The following TTPAL variants were observed in gnomAD, a reference collection of about 807,000 sequenced individuals.
TTPAL encodes alpha tocopherol transfer protein like.
In TTPAL, 21 loss-of-function variants were observed where a neutral mutation model predicts 28.7. The ratio of observed to expected loss-of-function variants is 0.73; its 90% CI spans 0.52 to 1.06. The LOEUF (loss-of-function observed/expected upper bound fraction) is 1.06, where lower values mean the gene tolerates loss of function less well. Ranked by LOEUF, TTPAL falls within the 50% of genes least tolerant of loss-of-function variation. The pLI, the probability that TTPAL is intolerant of heterozygous loss-of-function variation, is 0.00. For synonymous variants in TTPAL, 169 were observed against 171.9 expected, an observed-to-expected ratio of 0.98 and a Z score of 0.13; for missense variants, 345 against 425.5, an observed-to-expected ratio of 0.81 and a Z score of 1.67.
rs1252185262 is a variant in TTPAL at position 44,490,235 on chromosome 20, C to G, written c.*694C>G. 1 of 152,412 alleles carries G rather than the reference C, an allele frequency of 6.6e-6. No individual in the cohort carries two copies. The highest frequency in any genetic ancestry group is 1.5e-5 in the Non-Finnish European group (1 of 68,120). The allele number at this position is 152,412 out of a possible 1,614,324, so 9.4% of individuals were successfully genotyped here. A position where few individuals can be genotyped will look rare whatever the true frequency, so the allele number is the denominator to read the frequency against. On this transcript the variant is annotated 3_prime_UTR_variant, in exon 5 of 5. Coordinates refer to ENST00000262605, the MANE Select transcript of TTPAL (RefSeq NM_001039199.3). ...CTTAAGTTTTCCCAAATCCATAAAG[C>G]CTTAGCCCTGGTTCTCAATAGAATC...
chr20:44,480,314 T>A lies in TTPAL; in HGVS notation c.315T>A (p.Cys105Ter). The change falls in exon 2 of 5, where the codon TGT becomes TGA. Residue 105 changes from cysteine to a stop codon, truncating the protein, a stop_gained. Transcript: ENST00000262605. LOFTEE classifies it high-confidence loss of function. This position sits in a 1 kb window ranked among gnomAD's most constrained non-coding sequence, Gnocchi z 4.1. The stretch of plus-strand genomic sequence containing the variant: ...AGCTCCTCGTCAACTACCACAGCTG[T>A]AGAAGAAGCTGGCCCGAAGTCTTCA... ...ALQLLVNYHSCRRSWPEVFNN... is the reference protein window; with the variant it reads ...ALQLLVNYHS The A allele has an allele frequency of 6.2e-7, 1 of 1,614,182 alleles. No individual in the cohort carries two copies. The highest frequency in any genetic ancestry group is 8.5e-7 in the Non-Finnish European group (1 of 1,180,032).
chr20:44,486,469 G>A (rs2064152771), intron 3 of TTPAL, 127 bp from the exon 4 acceptor site: 2 of 645,346 alleles, frequency 3.1e-6, no homozygotes, highest in Admixed American at 2.7e-5. Flanking sequence ...CACGTGGACT[G>A]TCATTGAGGA....
At chr20:44,478,809 T>G (rs1331473971) in intron 1 of TTPAL, among the ~76,000 whole-genome samples, 3 of 152,202 alleles carry the variant, frequency 2.0e-5, no homozygotes, top group Non-Finnish European at 4.4e-5. Context: ...TTGTTTGTTT[T>G]GAGAGGGAGT....
intron 4 of TTPAL, among the ~76,000 whole-genome samples, chr20:44,487,431 G>C (rs1045199090): frequency 6.6e-6 from 1 of 152,150 alleles, no homozygotes; most frequent in African/African-American, 2.4e-5. Context: ...TTCCAGCCTG[G>C]GTAACAGAGC....
rs180964482 is a variant in TTPAL, at chr20:44,486,441, G to A, written c.640-155G>A. 701 of 536,710 alleles carry A rather than the reference G, an allele frequency of 1.3e-3. 6 individuals are homozygous for A. Among genetic ancestry groups the A allele is most frequent in the Middle Eastern group, 4.4e-3 (13 of 2,946 alleles). 33.2% of individuals were successfully genotyped at this position (536,710 alleles called of 1,614,324 possible). On this transcript the variant is annotated intron_variant, in intron 3 of 4. Transcript: ENST00000262605. ...CCAGGAAAGACTTTCCCTGAGGTCC[G>A]TCTTCCTAGTTAGGCCCCACGTGGA... is the stretch of plus-strand genomic sequence containing the variant.
Position 44,480,984 on chromosome 20 carries a change from C to T in TTPAL, c.445+540C>T, listed in dbSNP as rs890274484. On this transcript the variant is annotated intron_variant, in intron 2 of 4. Coordinates refer to ENST00000262605, the MANE Select transcript of TTPAL (RefSeq NM_001039199.3). The surrounding 1 kb of genome is among the most constrained non-coding windows in gnomAD (Gnocchi z 4.1). ...GGCCATAGGATACAAGCATGACTGC[C>T]AGGGCCCTCTCTGAGCCCTCTTTGT... is the stretch of plus-strand genomic sequence containing the variant. Among the ~76,000 whole-genome samples, 7 of 152,184 alleles carry T rather than the reference C, an allele frequency of 4.6e-5. No homozygotes were observed. Among genetic ancestry groups the T allele is most frequent in the Non-Finnish European group, 7.3e-5 (5 of 68,032 alleles).
chr20:44,489,555 G>C lies in TTPAL; in HGVS notation c.*14G>C, dbSNP rs200489134. 710 of 1,606,298 alleles carry C rather than the reference G, an allele frequency of 4.4e-4. 8 individuals are homozygous for C. In the South Asian group the frequency reaches 7.3e-3, roughly 16 times the overall value. On this transcript the variant is annotated 3_prime_UTR_variant, in exon 5 of 5. Transcript: ENST00000262605. ...TCCTGCTACTAGCCCGTCCCCCAGGGTCACCATCTTTAATTCTTTTCCTTC... is the reference window on the plus strand; with the variant it reads ...TCCTGCTACTAGCCCGTCCCCCAGGCTCACCATCTTTAATTCTTTTCCTTC...
At chr20:44,487,277 CAA>C (rs11299040) in intron 4 of TTPAL, among the ~76,000 whole-genome samples, 26 of 120,614 alleles carry the variant, frequency 2.2e-4, no homozygotes, top group African/African-American at 3.8e-4. Flanking sequence ...GAGACTGTCT[CAA>C]AAAAAAAAAA....
At chr20:44,482,719 AT>A (rs1020449013) in intron 2 of TTPAL, among the ~76,000 whole-genome samples, 51 of 149,110 alleles carry the variant, frequency 3.4e-4, no homozygotes, top group African/African-American at 1.2e-3. Flanking sequence ...GGGCATTCTC[AT>A]TTTTTTTTTC....
chr20:44,477,516 C>A (rs1334307889), intron 1 of TTPAL, among the ~76,000 whole-genome samples: 1 of 152,144 alleles, frequency 6.6e-6, no homozygotes, highest in Non-Finnish European at 1.5e-5. Context: ...AGGCCACCAG[C>A]ATCTCTCAGC....
rs1293378060 is a variant in TTPAL at position 44,491,896 on chromosome 20, C to G, written c.*2355C>G. The G allele has an allele frequency of 6.6e-6, 1 of 152,326 alleles. No individual in the cohort carries two copies. The highest frequency in any genetic ancestry group is 2.1e-4 in the South Asian group (1 of 4,836). 9.4% of individuals were successfully genotyped at this position (152,326 alleles called of 1,614,324 possible). Reference sequence around the variant, plus strand: ...ATTCTACACTGCATTCCTGGCCAGTCGCATTTGTTTTAATGCAGGCATGGC... The same window carrying G: ...ATTCTACACTGCATTCCTGGCCAGTGGCATTTGTTTTAATGCAGGCATGGC... On this transcript the variant is annotated 3_prime_UTR_variant, in exon 5 of 5. Coordinates refer to ENST00000262605, the MANE Select transcript of TTPAL (RefSeq NM_001039199.3).
At chr20:44,484,264 G>C (rs931551895) in intron 2 of TTPAL, 73 bp from the exon 3 acceptor site, 2 of 1,024,674 alleles carry the variant, frequency 2.0e-6, no homozygotes, top group African/African-American at 3.2e-5. Context: ...GTGATAGAAA[G>C]GAGATAAATC....
At position 44,491,096 on chromosome 20, in the gene TTPAL, A is replaced by AG. The variant is rs1255352750; in HGVS notation, c.*1555_*1556insG. The AG allele has an allele frequency of 9.9e-5, 15 of 151,178 alleles. No homozygotes were observed. The highest frequency in any genetic ancestry group is 3.6e-4 in the African/African-American group (15 of 41,218). The allele number at this position is 151,178 out of a possible 1,614,324, so 9.4% of individuals were successfully genotyped here. On this transcript the variant is annotated 3_prime_UTR_variant, in exon 5 of 5. Transcript: ENST00000262605. ...GCCTCAAAAAAAAAAAAAAAAAAAA[A>AG]AAATTTTTTTTTTTTTGGTCTCTGG...
At chr20:44,484,556 TTTCG>T in intron 3 of TTPAL, 26 bp downstream of exon 3, 1 of 1,507,698 alleles carries the variant, frequency 6.6e-7, no homozygotes, top group Non-Finnish European at 9.0e-7. Context: ...GTCCTGCCTG[TTTCG>T]TGGTGGCTCT....
At chr20:44,476,501 C>G (rs1185113669) in intron 1 of TTPAL, among the ~76,000 whole-genome samples, 1 of 152,210 alleles carries the variant, frequency 6.6e-6, no homozygotes, top group Non-Finnish European at 1.5e-5. Context: ...ATCGCTTAAC[C>G]TATATCCTCC....
At chr20:44,477,179 GA>G (rs1301951385) in intron 1 of TTPAL, among the ~76,000 whole-genome samples, 1 of 152,194 alleles carries the variant, frequency 6.6e-6, no homozygotes, top group East Asian at 1.9e-4. Context: ...TGAGGCTGGA[GA>G]GGGGCTTTGA....
chr20:44,480,499 C>T lies in TTPAL; in HGVS notation c.445+55C>T. ...GTGTCCAGTCCTTCTGCAGTGTGTC[C>T]ATTCAGCACCCTGTCCTCCTTTCCA... On this transcript the variant is annotated intron_variant, in intron 2 of 4. Coordinates refer to ENST00000262605, the MANE Select transcript of TTPAL (RefSeq NM_001039199.3). This position sits in a 1 kb window ranked among gnomAD's most constrained non-coding sequence, Gnocchi z 4.1. 6.8e-7 allele frequency: 1 copy of T among 1,475,568 alleles called. No homozygotes were observed. 91.4% of individuals were successfully genotyped at this position (1,475,568 alleles called of 1,614,324 possible).
Position 44,492,712 on chromosome 20 carries a change from A to C in TTPAL, c.*3171A>C, listed in dbSNP as rs536489495. On this transcript the variant is annotated 3_prime_UTR_variant, in exon 5 of 5. Transcript: ENST00000262605. ...TCTTCCTCTTCTTCCCCCATATCCC[A>C]ACATGGAATTCTGGAAAACTGTGCC... The C allele has an allele frequency of 6.6e-6, 1 of 152,378 alleles. No individual in the cohort carries two copies. The highest frequency in any genetic ancestry group is 3.4e-3 in the Middle Eastern group (1 of 294). The allele number at this position is 152,378 out of a possible 1,614,324, so 9.4% of individuals were successfully genotyped here. A position where few individuals can be genotyped will look rare whatever the true frequency, so the allele number is the denominator to read the frequency against.
intron 1 of TTPAL, among the ~76,000 whole-genome samples, chr20:44,477,996 A>G (rs60633135): frequency 1.3e-5 from 2 of 152,156 alleles, no homozygotes; most frequent in East Asian, 1.9e-4. Context: ...GTGTGTGCCT[A>G]TAGTCCCAGC....
Sources: gnomAD v4.1 joint callset for allele counts (sites outside exome capture counted in the v4.1 genomes callset) on GRCh38, gnomAD v4.1.1 for gene constraint, Gnocchi (gnomAD v3.1) non-coding constraint, MANE v1.5 for transcripts, NCBI Gene and HGNC (gene_info 2026-07-23, HGNC 2026-07-21) for gene names.